MGAT5B: variants seen among roughly 807,000 people sequenced by gnomAD.
MGAT5B encodes alpha-1,6-mannosylglycoprotein 6-beta-N-acetylglucosaminyltransferase B, also known as N-acetylglucosaminyl-transferase Vb.
A neutral mutation model predicts 95.1 loss-of-function variants in MGAT5B; 54 were observed. The ratio of observed to expected loss-of-function variants is 0.57; its 90% CI spans 0.46 to 0.71. The LOEUF is 0.71. Ranked by LOEUF, MGAT5B falls within the 30% of genes least tolerant of loss-of-function variation. MGAT5B has a pLI of 0.00. For synonymous variants in MGAT5B, 464 were observed against 451.0 expected (o/e 1.03, Z -0.36); for missense variants, 935 against 1,088.6 (o/e 0.86, Z 1.99).
intron 12 of MGAT5B, among the ~76,000 whole-genome samples, chr17:76,935,112 G>A (rs748532848): frequency 1.3e-5 from 2 of 152,186 alleles, no homozygotes; most frequent in Non-Finnish European, 2.9e-5. Flanking sequence ...CCCAGGAAGC[G>A]AGGGGTGAAG....
At chr17:76,919,524 G>T (rs1969057033) in intron 8 of MGAT5B, among the ~76,000 whole-genome samples, 1 of 152,206 alleles carries the variant, frequency 6.6e-6, no homozygotes, top group African/African-American at 2.4e-5. Flanking sequence ...TAACATCCCA[G>T]GTTCAAACGA....
In MGAT5B at chr17:76,940,919, C is replaced by A; in HGVS notation, c.1848+71C>A. 7.5e-7 allele frequency: 1 copy of A among 1,334,764 alleles called. No homozygotes were observed. The highest frequency in any genetic ancestry group is 1.1e-6 in the Non-Finnish European group (1 of 939,134). The allele number at this position is 1,334,764 out of a possible 1,614,324, so 82.7% of individuals were successfully genotyped here. A position where few individuals can be genotyped will look rare whatever the true frequency, so the allele number is the denominator to read the frequency against. On this transcript the variant is annotated intron_variant, in intron 15 of 17. Transcript: ENST00000569840. This position sits in a 1 kb window ranked among gnomAD's most constrained non-coding sequence, Gnocchi z 4.3. ...GCTGGTCTTCACTCTGATTAGAAAA[C>A]GGTGCCCCCCTCTGGGTGAGTTCAG...
At position 76,933,315 on chromosome 17, in the gene MGAT5B, C is replaced by T. The variant is rs778502043; in HGVS notation, c.1428+18C>T. 31 of 1,598,152 alleles carry T rather than the reference C, an allele frequency of 1.9e-5. No homozygotes were observed. Among genetic ancestry groups the T allele is most frequent in the South Asian group, 1.8e-4 (16 of 91,074 alleles). On this transcript the variant is annotated intron_variant, in intron 12 of 17. Transcript: ENST00000569840. Reference sequence around the variant, plus strand: ...AGCTCCAGGTATGGAAACCGCTTGCCGCCTGCCCCCTCTACCCTCTGCTCC... The same window carrying T: ...AGCTCCAGGTATGGAAACCGCTTGCTGCCTGCCCCCTCTACCCTCTGCTCC...
At position 76,906,301 on chromosome 17, in the gene MGAT5B, G is replaced by C. The variant is rs372411471; in HGVS notation, c.1025+114G>C. On this transcript the variant is annotated intron_variant, in intron 8 of 17. Coordinates refer to ENST00000569840, the MANE Select transcript of MGAT5B (RefSeq NM_001199172.2). The surrounding 1 kb of genome is among the most constrained non-coding windows in gnomAD (Gnocchi z 4.6). ...CACCTGCTCTGCCTGCAGGTCCCAC[G>C]GCCCTGAGACCCTGGGAGACATCCT... The C allele has an allele frequency of 1.5e-5, 15 of 1,011,778 alleles. No individual in the cohort carries two copies. Among genetic ancestry groups the C allele is most frequent in the Non-Finnish European group, 1.8e-5 (13 of 713,032 alleles). 62.7% of individuals were successfully genotyped at this position (1,011,778 alleles called of 1,614,324 possible).
At chr17:76,931,512 CT>C (rs1331529563) in intron 10 of MGAT5B, among the ~76,000 whole-genome samples, 1 of 152,160 alleles carries the variant, frequency 6.6e-6, no homozygotes, top group African/African-American at 2.4e-5. Context: ...CAGGAGAGAC[CT>C]CTCACAGGCC....
chr17:76,888,659 C>G (rs1171111102), intron 3 of MGAT5B, among the ~76,000 whole-genome samples: 5 of 152,128 alleles, frequency 3.3e-5, no homozygotes, highest in Non-Finnish European at 7.4e-5. Context: ...GGACCAGAAT[C>G]AGTGATTACC....
rs535589896 is a variant in MGAT5B, at chr17:76,893,953, A to G, written c.330-8602A>G. Among the ~76,000 whole-genome samples the G allele has an allele frequency of 5.3e-5, 8 of 152,200 alleles. No individual in the cohort carries two copies. In the East Asian group the frequency reaches 1.4e-3, roughly 26 times the overall value. On this transcript the variant is annotated intron_variant, in intron 3 of 17. Coordinates refer to ENST00000569840, the MANE Select transcript of MGAT5B (RefSeq NM_001199172.2). ...GTCTCAGAGCCCACCTGTTGGCACC[A>G]CCTTCCCGGGGTGTAAGAGGTGGAA...
chr17:76,894,747 A>G (rs1968004476), intron 3 of MGAT5B, among the ~76,000 whole-genome samples: 1 of 151,908 alleles, frequency 6.6e-6, no homozygotes, highest in Non-Finnish European at 1.5e-5. Flanking sequence ...CCAGCTACTC[A>G]GGAGGCTGAG....
intron 12 of MGAT5B, among the ~76,000 whole-genome samples, chr17:76,937,679 G>T (rs545645675): frequency 6.6e-6 from 1 of 152,138 alleles, no homozygotes; most frequent in Non-Finnish European, 1.5e-5. Flanking sequence ...GGTCATTAGG[G>T]GTTCAGCAGA....
Position 76,889,770 on chromosome 17 carries a change from C to G in MGAT5B, c.329+7472C>G, listed in dbSNP as rs990762288. ...CATCCAGGTCTGATCCAGGCCTGCA[C>G]TGTTGTCACAGCCCCACGGTGCCGA... On this transcript the variant is annotated intron_variant, in intron 3 of 17. Transcript: ENST00000569840. This position sits in a 1 kb window ranked among gnomAD's most constrained non-coding sequence, Gnocchi z 4.4. Among the ~76,000 whole-genome samples the G allele has an allele frequency of 1.6e-4, 25 of 152,340 alleles. No individual in the cohort carries two copies. The highest frequency in any genetic ancestry group is 6.0e-4 in the African/African-American group (25 of 41,570).
chr17:76,921,942 T>A (rs553915263), intron 8 of MGAT5B, among the ~76,000 whole-genome samples: 1 of 152,266 alleles, frequency 6.6e-6, no homozygotes, highest in South Asian at 2.1e-4. Flanking sequence ...GATGAATCAG[T>A]AAGTTGAAAG....
Position 76,926,813 on chromosome 17 carries a change from G to A in MGAT5B, c.1291+83G>A, listed in dbSNP as rs570397215. On this transcript the variant is annotated intron_variant, in intron 10 of 17. Coordinates refer to ENST00000569840, the MANE Select transcript of MGAT5B (RefSeq NM_001199172.2). ...TGACACGAGAGGCGGCCAGGGTCTC[G>A]CTCCTCCCTCTCTTTCCTTCTCCAG... 2.4e-3 allele frequency: 3,622 copies of A among 1,513,210 alleles called. 9 individuals carry two copies. The highest frequency in any genetic ancestry group is 3.1e-3 in the Admixed American group (172 of 54,624). The allele number at this position is 1,513,210 out of a possible 1,614,324, so 93.7% of individuals were successfully genotyped here.
chr17:76,945,682 G>A (rs942346881), intron 15 of MGAT5B, among the ~76,000 whole-genome samples: 1 of 152,154 alleles, frequency 6.6e-6, no homozygotes, highest in Non-Finnish European at 1.5e-5. Context: ...TCTCATTCCC[G>A]CTGACTGGGA....
rs1054708345 is a variant in MGAT5B at position 76,917,126 on chromosome 17, G to A, written c.1026-7840G>A. Reference sequence around the variant, plus strand: ...TGGCCAATTAAATGCTCTCAAGTCCGGGTTTAGTGTGAGGATTTTGCACAC... The same window carrying A: ...TGGCCAATTAAATGCTCTCAAGTCCAGGTTTAGTGTGAGGATTTTGCACAC... On this transcript the variant is annotated intron_variant, in intron 8 of 17. Coordinates refer to ENST00000569840, the MANE Select transcript of MGAT5B (RefSeq NM_001199172.2). This position sits in a 1 kb window ranked among gnomAD's most constrained non-coding sequence, Gnocchi z 6.1. 2.0e-5 allele frequency among the ~76,000 whole-genome samples: 3 copies of A among 152,200 alleles called. No individual in the cohort carries two copies. Among genetic ancestry groups the A allele is most frequent in the Non-Finnish European group, 4.4e-5 (3 of 68,032 alleles).
rs1455842553 is a variant in MGAT5B, at chr17:76,906,131, A to C, written c.969A>C (p.Ala323=). The change falls in exon 8 of 18, where the codon GCA becomes GCC. Residue 323 remains alanine, a synonymous_variant. Transcript: ENST00000569840. This position sits in a 1 kb window ranked among gnomAD's most constrained non-coding sequence, Gnocchi z 4.6. ...TGCAGTGGGCGGACATTCTGACTGCACTCTATGTCCTGGGCCATGGCCTGC... is the reference window on the plus strand; with the variant it reads ...TGCAGTGGGCGGACATTCTGACTGCCCTCTATGTCCTGGGCCATGGCCTGC... ...EMVQWADILT[A]LYVLGHGLRV... 1.2e-6 allele frequency: 2 copies of C among 1,607,108 alleles called. No homozygotes were observed. The highest frequency in any genetic ancestry group is 1.7e-6 in the Non-Finnish European group (2 of 1,177,278).
rs1969739402 is a variant in MGAT5B, at chr17:76,938,218, C to T, written c.1584+75C>T. 5.2e-6 allele frequency: 8 copies of T among 1,550,852 alleles called. No homozygotes were observed. Among genetic ancestry groups the T allele is most frequent in the Non-Finnish European group, 7.1e-6 (8 of 1,134,728 alleles). ...TGAGGTCACCACCCATGCCTGCCACCACCACTCAGGCCCCTTCCACATATG... is the reference window on the plus strand; with the variant it reads ...TGAGGTCACCACCCATGCCTGCCACTACCACTCAGGCCCCTTCCACATATG... On this transcript the variant is annotated intron_variant, in intron 13 of 17. Transcript: ENST00000569840. The surrounding 1 kb of genome is among the most constrained non-coding windows in gnomAD (Gnocchi z 4.3).
chr17:76,877,958 C>T (rs1036329205), intron 2 of MGAT5B, among the ~76,000 whole-genome samples: 14 of 152,074 alleles, frequency 9.2e-5, no homozygotes, highest in Admixed American at 6.5e-4. Context: ...CTCCCAGCGT[C>T]CCAGCTTTCC....
At chr17:76,928,652 C>A (rs1408783188) in intron 10 of MGAT5B, among the ~76,000 whole-genome samples, 2 of 151,678 alleles carry the variant, frequency 1.3e-5, no homozygotes, top group East Asian at 3.9e-4. Context: ...TTGCAGTGAG[C>A]TGAGATCGTG....
chr17:76,898,560 C>G (rs1018269240), intron 3 of MGAT5B, among the ~76,000 whole-genome samples: 1 of 152,050 alleles, frequency 6.6e-6, no homozygotes, highest in Non-Finnish European at 1.5e-5. Flanking sequence ...TCCTTGGCCT[C>G]CCAAAGTGCT....
Sources: allele counts gnomAD v4.1 joint callset (sites outside exome capture counted in the v4.1 genomes callset), GRCh38; gene constraint gnomAD v4.1.1; non-coding constraint Gnocchi (gnomAD v3.1); transcripts MANE v1.5; gene names NCBI Gene and HGNC (gene_info 2026-07-23, HGNC 2026-07-21).